POLR1C: variants seen among roughly 807,000 people sequenced by gnomAD.
POLR1C encodes DNA-directed RNA polymerases I and III subunit RPAC1.
Under a neutral mutation model 38.3 loss-of-function variants are expected in POLR1C, and 42 were observed. That is an observed-to-expected ratio of 1.10 (90% CI 0.86 to 1.42). The LOEUF (loss-of-function observed/expected upper bound fraction) is 1.42, where lower values mean the gene tolerates loss of function less well. Ranked by LOEUF, POLR1C falls within the 40% of genes most tolerant of loss-of-function variation. The pLI is 0.00. For missense variants in POLR1C, 507 were observed against 450.5 expected (o/e 1.13, Z -1.14); for synonymous variants, 163 against 163.9 (o/e 0.99, Z 0.04).
chr6:43,541,573 G>C (rs1255921407), intron 9 of POLR1C, among the ~76,000 whole-genome samples: 1 of 146,214 alleles, frequency 6.8e-6, no homozygotes, highest in African/African-American at 2.5e-5. Flanking sequence ...TTAAGCAGTA[G>C]CAGTTGATCT....
intron 9 of POLR1C, among the ~76,000 whole-genome samples, chr6:43,547,140 C>T (rs1309606360): frequency 6.6e-6 from 1 of 152,194 alleles, no homozygotes; most frequent in African/African-American, 2.4e-5. Context: ...CTAATCCCCC[C>T]TCACGGTACT....
intron 9 of POLR1C, among the ~76,000 whole-genome samples, chr6:43,535,416 C>G (rs1345540298): frequency 1.3e-5 from 2 of 151,906 alleles, no homozygotes; most frequent in African/African-American, 4.8e-5. Flanking sequence ...ATGGTAAAAC[C>G]CAGTCTCTAC....
chr6:43,521,566 C>T, downstream of POLR1C: 1 of 926,820 alleles, frequency 1.1e-6, no homozygotes, highest in East Asian at 5.6e-5. Flanking sequence ...ACTGTGTTGC[C>T]CAGGCTGGAG....
In POLR1C at chr6:43,520,260, A is replaced by C. The variant is rs548176283; in HGVS notation, c.503-15A>C. 1 of 1,613,434 alleles carries C rather than the reference A, an allele frequency of 6.2e-7. No individual in the cohort carries two copies. Among genetic ancestry groups the C allele is most frequent in the Admixed American group, 1.7e-5 (1 of 60,028 alleles). ...GTTTTAGGGACTGAGATCTTCTGAC[A>C]TGTTTTTCCTCCAGTGTATACCAGG... On this transcript the variant is annotated splice_polypyrimidine_tract_variant and intron_variant, in intron 5 of 8. Coordinates refer to ENST00000642195, the MANE Select transcript of POLR1C (RefSeq NM_203290.4).
chr6:43,519,734 T>A lies in POLR1C; in HGVS notation c.278T>A (p.Leu93Gln), dbSNP rs1441102734. The A allele has an allele frequency of 1.2e-6, 2 of 1,614,206 alleles. No individual in the cohort carries two copies. Among genetic ancestry groups the A allele is most frequent in the African/African-American group, 2.7e-5 (2 of 75,052 alleles). The change falls in exon 4 of 9, where the codon CTG becomes CAG. Residue 93 changes from leucine to glutamine, a missense_variant. Physicochemically the swap from Leu to Gln is moderately radical, Grantham distance 113. Transcript: ENST00000642195. ...CCAACTATGGCTGTGGAGAAGGTCC[T>A]GGTGTACAATAATACATCCATTGTT... Reference protein sequence around the residue: ...EVPTMAVEKVLVYNNTSIVQD... With the variant: ...EVPTMAVEKVQVYNNTSIVQD...
chr6:43,548,456 T>C (rs1795069193), intron 9 of POLR1C: 2 of 1,549,890 alleles, frequency 1.3e-6, no homozygotes, highest in South Asian at 1.2e-5. Flanking sequence ...CATGTCAAAA[T>C]TGGGCTACAG....
chr6:43,517,574 G>A (rs1792899837), intron 2 of POLR1C, among the ~76,000 whole-genome samples, 197 bp downstream of exon 2: 2 of 152,140 alleles, frequency 1.3e-5, no homozygotes, highest in Non-Finnish European at 2.9e-5. Context: ...CAGTCTTGTT[G>A]AGGAATGGTG....
intron 9 of POLR1C, among the ~76,000 whole-genome samples, chr6:43,542,979 G>A (rs892569232): frequency 2.0e-5 from 3 of 152,050 alleles, no homozygotes; most frequent in African/African-American, 4.8e-5. Context: ...CATCAAGGCT[G>A]AATAGTTACA....
chr6:43,523,955 G>A (rs766767634), downstream of POLR1C: 1 of 1,613,930 alleles, frequency 6.2e-7, no homozygotes, highest in East Asian at 2.2e-5. Flanking sequence ...TGAAAAGTGA[G>A]GGAAGATTCT....
intron 8 of POLR1C, chr6:43,526,807 C>T: frequency 1.3e-6 from 2 of 1,563,648 alleles, no homozygotes; most frequent in African/African-American, 1.4e-5. Context: ...ACAACAGCCA[C>T]CTCAGGCCCA....
chr6:43,519,561 C>A, intron 3 of POLR1C, 121 bp downstream of exon 3: 1 of 1,420,014 alleles, frequency 7.0e-7, no homozygotes, highest in Non-Finnish European at 1.0e-6. Flanking sequence ...TTTTGCTGAG[C>A]ATTTTACCTT....
intron 9 of POLR1C, among the ~76,000 whole-genome samples, chr6:43,544,974 G>A (rs1794893892): frequency 6.6e-6 from 1 of 152,160 alleles, no homozygotes; most frequent in Non-Finnish European, 1.5e-5. Context: ...CCGGGTTCAA[G>A]CGATTCTCCT....
At chr6:43,544,966 G>A (rs553532150) in intron 9 of POLR1C, among the ~76,000 whole-genome samples, 17 of 152,172 alleles carry the variant, frequency 1.1e-4, no homozygotes, top group Admixed American at 6.5e-4. Flanking sequence ...TCCGCCTCCC[G>A]GGTTCAAGCG....
chr6:43,560,829 ATT>A, intron 10 of POLR1C: 1 of 1,082,306 alleles, frequency 9.2e-7, no homozygotes, highest in Non-Finnish European at 1.4e-6. Flanking sequence ...GAAGAGTCAC[ATT>A]TTATACATGA....
rs546937932 is a variant in POLR1C at position 43,540,030 on chromosome 6, G to A, written c.*4+10671G>A. On this transcript the variant is annotated intron_variant, in intron 9 of 10. Transcript: ENST00000607635. ...AATACTTTGGGAGGCCAAGATGGGC[G>A]GATCACCTGAGATCAGGAGTTTGAG... 2.8e-4 allele frequency among the ~76,000 whole-genome samples: 43 copies of A among 152,280 alleles called. No homozygotes were observed. The South Asian group carries it at 7.7e-3, about 27-fold the overall frequency.
Position 43,517,418 on chromosome 6 carries a change from C to T in POLR1C, c.141+41C>T, listed in dbSNP as rs772109917. The T allele has an allele frequency of 3.2e-6, 5 of 1,558,170 alleles. No homozygotes were observed. In the African/African-American group the frequency reaches 5.4e-5, roughly 17 times the overall value. ...GTTGTCTGGGGAGGGTTATGAAGGC[C>T]AGACCTTGTGGTCTGAGCAGCCTGT... On this transcript the variant is annotated intron_variant, in intron 2 of 8. Coordinates refer to ENST00000642195, the MANE Select transcript of POLR1C (RefSeq NM_203290.4).
chr6:43,526,975 C>T (rs990394429), intron 8 of POLR1C: 17 of 529,418 alleles, frequency 3.2e-5, no homozygotes, highest in Non-Finnish European at 5.8e-5. Context: ...TTACAGAATT[C>T]TCTGAGAGTG....
intron 9 of POLR1C, among the ~76,000 whole-genome samples, chr6:43,535,287 A>C (rs1027023265): frequency 1.1e-3 from 172 of 151,322 alleles, no homozygotes; most frequent in South Asian, 4.2e-4. Flanking sequence ...ACAAAACCCC[A>C]AAAAACAGAA....
downstream of POLR1C, chr6:43,524,545 T>C: frequency 6.2e-7 from 1 of 1,613,930 alleles, no homozygotes; most frequent in South Asian, 1.1e-5. Context: ...AGGGAGGGGT[T>C]TAAAAGCTTG....
Sources: allele counts gnomAD v4.1 joint callset (sites outside exome capture counted in the v4.1 genomes callset), GRCh38; gene constraint gnomAD v4.1.1; transcripts MANE v1.5; gene names NCBI Gene and HGNC (gene_info 2026-07-23, HGNC 2026-07-21).